The following RFTN2 variants were observed in gnomAD, a reference collection of about 807,000 sequenced individuals.
RFTN2 encodes the protein raftlin family member 2, also known as raftlin-2.
In RFTN2, 34 loss-of-function variants were observed where a neutral mutation model predicts 52.7. The observed-to-expected ratio is 0.64, with a 90% CI of 0.49 to 0.86. The LOEUF (loss-of-function observed/expected upper bound fraction) is 0.86. Ranked by LOEUF, RFTN2 falls within the 40% of genes least tolerant of loss-of-function variation. The pLI, the probability that RFTN2 is intolerant of heterozygous loss-of-function variation, is 0.00. For synonymous variants in RFTN2, 203 were observed against 217.7 expected, an observed-to-expected ratio of 0.93 and a Z score of 0.59; for missense variants, 536 against 600.1, an observed-to-expected ratio of 0.89 and a Z score of 1.12.
chr2:197,601,524 C>T (rs928121686), intron 7 of RFTN2, among the ~76,000 whole-genome samples: 1 of 151,860 alleles, frequency 6.6e-6, no homozygotes, highest in African/African-American at 2.4e-5. Context: ...TCTTGGGTCT[C>T]CTCTAGTTCC....
chr2:197,612,035 T>C (rs937488420), intron 7 of RFTN2, among the ~76,000 whole-genome samples: 1 of 152,192 alleles, frequency 6.6e-6, no homozygotes, highest in African/African-American at 2.4e-5. Context: ...CTTCCAAACA[T>C]GTGTTCAATT....
At chr2:197,638,648 G>A (rs1356777905) in intron 3 of RFTN2, among the ~76,000 whole-genome samples, 7 of 149,094 alleles carry the variant, frequency 4.7e-5, no homozygotes, top group African/African-American at 1.7e-4. Context: ...CACGTGAGAT[G>A]TGTTTCCTGA....
At chr2:197,604,374 C>T (rs1574699366) in intron 7 of RFTN2, among the ~76,000 whole-genome samples, 1 of 152,144 alleles carries the variant, frequency 6.6e-6, no homozygotes, top group East Asian at 1.9e-4. Flanking sequence ...GCTGAATGGA[C>T]ACATACATAG....
At position 197,644,504 on chromosome 2, in the gene RFTN2, GAAAGA is replaced by G. The variant is rs577864693; in HGVS notation, c.324-237_324-233del. Among the ~76,000 whole-genome samples, 11 of 152,300 alleles carry G rather than the reference GAAAGA, an allele frequency of 7.2e-5. No individual in the cohort carries two copies. In the East Asian group the frequency reaches 2.1e-3, roughly 29 times the overall value. On this transcript the variant is annotated intron_variant, in intron 2 of 8. Transcript: ENST00000295049. ...ATTAATTTAATTTGTCAGTTAGAAAGAAAGAAAAGCTTCATGTCTGTAGTTTTAAT... is the reference window on the plus strand; with the variant it reads ...ATTAATTTAATTTGTCAGTTAGAAAGAAAGCTTCATGTCTGTAGTTTTAAT...
chr2:197,601,360 A>G (rs1428601607), intron 7 of RFTN2, among the ~76,000 whole-genome samples: 2 of 152,162 alleles, frequency 1.3e-5, no homozygotes, highest in East Asian at 3.9e-4. Context: ...ACTAATAAAA[A>G]CAACTTTGAC....
intron 7 of RFTN2, among the ~76,000 whole-genome samples, chr2:197,602,025 T>TA (rs1199242919): frequency 2.6e-5 from 4 of 151,984 alleles, no homozygotes; most frequent in Admixed American, 6.6e-5. Context: ...AAAATGAAAC[T>TA]AAAAAAAAGT....
At chr2:197,670,904 A>T (rs2106276973) in intron 1 of RFTN2, among the ~76,000 whole-genome samples, 1 of 152,246 alleles carries the variant, frequency 6.6e-6, no homozygotes, top group South Asian at 2.1e-4. Flanking sequence ...TGGATTCCTC[A>T]TTCTTTCTGT....
At chr2:197,582,346 C>T (rs948235154) in intron 8 of RFTN2, among the ~76,000 whole-genome samples, 1 of 152,234 alleles carries the variant, frequency 6.6e-6, no homozygotes, top group African/African-American at 2.4e-5. Flanking sequence ...TGGCCTCCCA[C>T]ATTATTCTGG....
intron 1 of RFTN2, among the ~76,000 whole-genome samples, chr2:197,668,341 A>T (rs1167222580): frequency 6.6e-6 from 1 of 152,096 alleles, no homozygotes; most frequent in Non-Finnish European, 1.5e-5. Context: ...GATGTTCCCC[A>T]GGCCAGCAGT....
rs780930134 is a variant in RFTN2 at position 197,570,796 on chromosome 2, AAC to A, written c.*1210_*1211del. 5.3e-5 allele frequency: 8 copies of A among 152,360 alleles called. No individual in the cohort carries two copies. The highest frequency in any genetic ancestry group is 4.1e-4 in the South Asian group (2 of 4,830). 9.4% of individuals were successfully genotyped at this position (152,360 alleles called of 1,614,324 possible). A position where few individuals can be genotyped will look rare whatever the true frequency, so the allele number is the denominator to read the frequency against. Reference sequence around the variant, plus strand: ...GAATATTTGTGTTCAATAAAACAATAACACAATAAAAATGATGTTTTATTATT... The same window carrying A: ...GAATATTTGTGTTCAATAAAACAATAACAATAAAAATGATGTTTTATTATT... On this transcript the variant is annotated 3_prime_UTR_variant, in exon 9 of 9. Transcript: ENST00000295049.
chr2:197,624,461 G>T (rs2088319702), intron 5 of RFTN2, among the ~76,000 whole-genome samples: 1 of 151,862 alleles, frequency 6.6e-6, no homozygotes. Flanking sequence ...AGCCGGGCGT[G>T]GTGGCGTGAG....
intron 3 of RFTN2, among the ~76,000 whole-genome samples, chr2:197,643,320 T>TGGCCTCAAGTGATCCTCC: frequency 6.6e-6 from 1 of 152,166 alleles, no homozygotes; most frequent in East Asian, 1.9e-4. Flanking sequence ...TTGGAACTCC[T>TGGCCTCAAGTGATCCTCC]GGCCTCAAGT....
chr2:197,672,886 G>A (rs1018441088), intron 1 of RFTN2, among the ~76,000 whole-genome samples: 1 of 152,174 alleles, frequency 6.6e-6, no homozygotes, highest in Non-Finnish European at 1.5e-5. Flanking sequence ...GAGACAGAGA[G>A]ATAAGGAGAG....
intron 5 of RFTN2, among the ~76,000 whole-genome samples, chr2:197,622,014 T>C (rs899723497): frequency 6.6e-6 from 1 of 152,178 alleles, no homozygotes; most frequent in African/African-American, 2.4e-5. Context: ...GTGGTCTGGA[T>C]AGAAGATCAA....
At chr2:197,634,316 A>G (rs553945412) in intron 3 of RFTN2, among the ~76,000 whole-genome samples, 2 of 152,298 alleles carry the variant, frequency 1.3e-5, no homozygotes, top group East Asian at 3.9e-4. Flanking sequence ...CCGTTTAACA[A>G]TGGTGTCTCC....
chr2:197,654,251 T>C (rs886554076), intron 1 of RFTN2, among the ~76,000 whole-genome samples: 1 of 152,090 alleles, frequency 6.6e-6, no homozygotes, highest in Non-Finnish European at 1.5e-5. Context: ...CTGAGCGTGA[T>C]TGCACATGCC....
intron 8 of RFTN2, among the ~76,000 whole-genome samples, chr2:197,581,632 T>A (rs1379258341): frequency 6.6e-6 from 1 of 152,218 alleles, no homozygotes; most frequent in African/African-American, 2.4e-5. Context: ...TTCTTCAACA[T>A]TTATTCTCCA....
At chr2:197,580,911 C>T (rs1301626872) in intron 8 of RFTN2, among the ~76,000 whole-genome samples, 2 of 152,156 alleles carry the variant, frequency 1.3e-5, no homozygotes, top group African/African-American at 4.8e-5. Flanking sequence ...GCTTCCCTGA[C>T]TATTCCTGGA....
At chr2:197,670,723 G>A (rs2089133560) in intron 1 of RFTN2, among the ~76,000 whole-genome samples, 1 of 144,918 alleles carries the variant, frequency 6.9e-6, no homozygotes, top group Non-Finnish European at 1.5e-5. Flanking sequence ...ACAGTCAGCT[G>A]TGCATCTATA....
Sources: allele counts gnomAD v4.1 joint callset (sites outside exome capture counted in the v4.1 genomes callset), GRCh38; gene constraint gnomAD v4.1.1; transcripts MANE v1.5; gene names NCBI Gene and HGNC (gene_info 2026-07-23, HGNC 2026-07-21).